Variants in ANXA8 observed in about 807,000 individuals in gnomAD.
ANXA8 encodes annexin A8.
In ANXA8, 9 loss-of-function variants were observed where a neutral mutation model predicts 26.8. That is an observed-to-expected ratio of 0.34 (90% confidence interval 0.20 to 0.59). The LOEUF is 0.59. Ranked by LOEUF, ANXA8 falls within the 20% of genes least tolerant of loss-of-function variation. ANXA8 has a pLI of 0.84. For synonymous variants in ANXA8, 39 were observed against 94.8 expected, an observed-to-expected ratio of 0.41 and a Z score of 3.42; for missense variants, 83 against 238.5, an observed-to-expected ratio of 0.35 and a Z score of 4.29.
the ANXA8 span, among the ~76,000 whole-genome samples, chr10:47,513,193 C>A: frequency 2.7e-5 from 4 of 149,656 alleles, no homozygotes; most frequent in African/African-American, 9.7e-5. Flanking sequence ...CGCCACCACG[C>A]CCGGCTAACT....
chr10:47,749,069 C>CA, the ANXA8 span, among the ~76,000 whole-genome samples: 1 of 76,712 alleles, frequency 1.3e-5, no homozygotes, highest in South Asian at 4.9e-4. Context: ...CCCTTCTCTA[C>CA]AAAAAATACA....
the ANXA8 span, among the ~76,000 whole-genome samples, chr10:47,723,553 C>T: frequency 8.3e-6 from 1 of 121,144 alleles, no homozygotes; most frequent in Non-Finnish European, 1.8e-5. Context: ...AGTCCACTTC[C>T]TCCTTCTTGA....
chr10:47,665,920 G>A, the ANXA8 span, among the ~76,000 whole-genome samples: 1 of 151,866 alleles, frequency 6.6e-6, no homozygotes, highest in South Asian at 2.1e-4. Flanking sequence ...ATTGTGAAAT[G>A]GAAAAATGCT....
At chr10:47,696,962 C>T in the ANXA8 span, among the ~76,000 whole-genome samples, 3 of 151,520 alleles carry the variant, frequency 2.0e-5, no homozygotes, top group African/African-American at 7.3e-5. Flanking sequence ...ATTCAGACAG[C>T]TGTGGTTTGA....
At chr10:47,702,298 T>C in the ANXA8 span, among the ~76,000 whole-genome samples, 3,522 of 151,158 alleles carry the variant, frequency 0.023, 95 homozygotes, top group African/African-American at 0.08. Context: ...ATAATGAGCA[T>C]ACCTGGTGCC....
the ANXA8 span, among the ~76,000 whole-genome samples, chr10:47,589,887 G>T: frequency 2.2e-5 from 3 of 134,682 alleles, no homozygotes; most frequent in East Asian, 6.0e-4. Flanking sequence ...TAAAGGGAAG[G>T]GGAAAGATAG....
chr10:47,490,437 G>A, the ANXA8 span: 2 of 151,714 alleles, frequency 1.3e-5, no homozygotes, highest in South Asian at 2.1e-4. Flanking sequence ...GCGCTATCGC[G>A]AGTGTGGAGG....
the ANXA8 span, among the ~76,000 whole-genome samples, chr10:47,951,610 G>A: frequency 1.3e-5 from 2 of 150,404 alleles, no homozygotes; most frequent in Non-Finnish European, 2.9e-5. Flanking sequence ...AGGAGTTCAA[G>A]ACCAGCCTGG....
chr10:47,656,651 A>G, the ANXA8 span, among the ~76,000 whole-genome samples: 1 of 136,642 alleles, frequency 7.3e-6, no homozygotes, highest in East Asian at 2.1e-4. Flanking sequence ...ACATTTATTG[A>G]GCACTGTCTA....
chr10:47,741,202 T>C, the ANXA8 span, among the ~76,000 whole-genome samples: 1 of 97,414 alleles, frequency 1.0e-5, no homozygotes, highest in Non-Finnish European at 2.1e-5. Flanking sequence ...TTTGTCTTTT[T>C]ACTGATCAGA....
chr10:47,490,621 C>T, the ANXA8 span, among the ~76,000 whole-genome samples: 1 of 150,348 alleles, frequency 6.7e-6, no homozygotes, highest in African/African-American at 2.5e-5. Flanking sequence ...TCTAGCAAGC[C>T]CTGCCTCAGC....
the ANXA8 span, among the ~76,000 whole-genome samples, chr10:47,548,502 T>C: frequency 6.6e-6 from 1 of 152,320 alleles, no homozygotes; most frequent in African/African-American, 2.4e-5. Context: ...GGTTTCTGCA[T>C]GTTGGTCAGG....
At chr10:47,730,777 G>A in the ANXA8 span, among the ~76,000 whole-genome samples, 1 of 149,232 alleles carries the variant, frequency 6.7e-6, no homozygotes, top group African/African-American at 2.5e-5. Flanking sequence ...GGGAACCACA[G>A]AGAAGACACT....
At chr10:47,570,941 CG>C in the ANXA8 span, among the ~76,000 whole-genome samples, 286 of 150,518 alleles carry the variant, frequency 1.9e-3, 6 homozygotes, top group Non-Finnish European at 3.1e-3. Context: ...GGGCCTTTGA[CG>C]TGCCGCATAC....
the ANXA8 span, among the ~76,000 whole-genome samples, chr10:47,970,826 G>A: frequency 0.36 from 54,892 of 150,426 alleles, 11,400 homozygotes; most frequent in Non-Finnish European, 0.47. Flanking sequence ...GTATGCTTGG[G>A]AGGATGGCGA....
the ANXA8 span, among the ~76,000 whole-genome samples, chr10:47,548,279 T>A: frequency 6.8e-6 from 1 of 147,602 alleles, no homozygotes; most frequent in East Asian, 2.2e-4. Context: ...CACCTCCTAA[T>A]CAATATGGCT....
At chr10:47,667,777 G>A in the ANXA8 span, among the ~76,000 whole-genome samples, 1 of 151,856 alleles carries the variant, frequency 6.6e-6, no homozygotes, top group Admixed American at 6.6e-5. Flanking sequence ...TCACTCTGTT[G>A]CCCAGGCTGG....
At chr10:47,631,633 T>C in the ANXA8 span, among the ~76,000 whole-genome samples, 1 of 150,416 alleles carries the variant, frequency 6.6e-6, no homozygotes, top group Non-Finnish European at 1.5e-5. Flanking sequence ...TGAGAACCAC[T>C]GCACAAAATG....
chr10:47,704,954 T>C, the ANXA8 span, among the ~76,000 whole-genome samples: 1 of 152,100 alleles, frequency 6.6e-6, no homozygotes, highest in Non-Finnish European at 1.5e-5. Flanking sequence ...GTAAATTCAG[T>C]GCATGTTCCA....
Sources: gnomAD v4.1 joint callset for allele counts (sites outside exome capture counted in the v4.1 genomes callset) on GRCh38, gnomAD v4.1.1 for gene constraint, MANE v1.5 for transcripts, NCBI Gene and HGNC (gene_info 2026-07-23, HGNC 2026-07-21) for gene names.